The following FAM13C variants were observed in gnomAD, a reference collection of about 807,000 sequenced individuals.
FAM13C encodes the protein protein FAM13C.
FAM13C carries 37 observed loss-of-function variants against 73.2 expected under a neutral mutation model. That is an observed-to-expected ratio of 0.51 (90% CI 0.39 to 0.67). The LOEUF is 0.67. Among genes scored for constraint, FAM13C ranks in the 30% least tolerant of loss-of-function variants. The pLI is 0.00. For synonymous variants in FAM13C, 246 were observed against 260.9 expected (o/e 0.94, Z 0.55); for missense variants, 589 against 715.6 (o/e 0.82, Z 2.02).
intron 3 of FAM13C, among the ~76,000 whole-genome samples, chr10:59,326,459 G>C (rs927309524): frequency 2.0e-5 from 3 of 152,140 alleles, no homozygotes; most frequent in Admixed American, 1.3e-4. Context: ...AGGTATGTGT[G>C]ATTGTCATGA....
chr10:59,345,675 A>G (rs191743572), intron 3 of FAM13C, among the ~76,000 whole-genome samples: 28 of 152,158 alleles, frequency 1.8e-4, no homozygotes, highest in African/African-American at 6.7e-4. Context: ...AGCTAATCTC[A>G]CTTTCAAGGA....
At chr10:59,289,187 G>T (rs1458991806) in intron 5 of FAM13C, among the ~76,000 whole-genome samples, 1 of 152,202 alleles carries the variant, frequency 6.6e-6, no homozygotes, top group Non-Finnish European at 1.5e-5. Flanking sequence ...TAGGGTGCAT[G>T]CTCCTGAGAA....
At chr10:59,292,909 A>G (rs1171037171) in intron 5 of FAM13C, among the ~76,000 whole-genome samples, 1 of 152,070 alleles carries the variant, frequency 6.6e-6, no homozygotes, top group African/African-American at 2.4e-5. Flanking sequence ...CGAGAGTCAC[A>G]CTACAGTGCT....
chr10:59,264,808 C>T (rs1275985637), intron 8 of FAM13C, among the ~76,000 whole-genome samples: 1 of 152,084 alleles, frequency 6.6e-6, no homozygotes, highest in African/African-American at 2.4e-5. Context: ...TGTCCCTCTA[C>T]CCCCACAGAT....
intron 5 of FAM13C, among the ~76,000 whole-genome samples, chr10:59,299,666 A>G (rs932426659): frequency 1.3e-5 from 2 of 152,122 alleles, no homozygotes; most frequent in African/African-American, 4.8e-5. Context: ...TACCTTTCTG[A>G]TCTATTGAAT....
intron 3 of FAM13C, among the ~76,000 whole-genome samples, chr10:59,339,304 C>T (rs549740764): frequency 6.6e-6 from 1 of 152,300 alleles, no homozygotes; most frequent in South Asian, 2.1e-4. Flanking sequence ...GGGGACACTA[C>T]TCAACCTACT....
At chr10:59,313,490 A>T (rs1849175659) in intron 4 of FAM13C, among the ~76,000 whole-genome samples, 1 of 152,128 alleles carries the variant, frequency 6.6e-6, no homozygotes, top group African/African-American at 2.4e-5. Context: ...ATTCATGGCC[A>T]ACTAGGGCCA....
intron 4 of FAM13C, among the ~76,000 whole-genome samples, chr10:59,313,950 A>G (rs1720389148): frequency 6.6e-6 from 1 of 152,218 alleles, no homozygotes; most frequent in African/African-American, 2.4e-5. Context: ...CACTGTGCTG[A>G]AAACTGCACA....
At chr10:59,360,932 TGAC>T (rs1247136901) in intron 1 of FAM13C, 21 of 885,566 alleles carry the variant, frequency 2.4e-5, no homozygotes, top group Non-Finnish European at 3.4e-5. Context: ...GCCGTGCCTG[TGAC>T]TGACCGAGGA....
intron 1 of FAM13C, among the ~76,000 whole-genome samples, chr10:59,359,966 T>A (rs865975882): frequency 6.6e-6 from 1 of 152,108 alleles, no homozygotes; most frequent in African/African-American, 2.4e-5. Context: ...GATGAAAAGG[T>A]GCCACAGATA....
intron 3 of FAM13C, among the ~76,000 whole-genome samples, chr10:59,337,609 G>A (rs922982647): frequency 1.8e-4 from 27 of 149,092 alleles, no homozygotes; most frequent in Non-Finnish European, 3.7e-4. Flanking sequence ...TGTGGCCACA[G>A]AACAATCAGT....
At chr10:59,316,271 G>C (rs1411563460) in intron 4 of FAM13C, among the ~76,000 whole-genome samples, 1 of 152,036 alleles carries the variant, frequency 6.6e-6, no homozygotes, top group African/African-American at 2.4e-5. Context: ...TTTCATTACA[G>C]TTAGCTACTC....
At chr10:59,294,798 C>T (rs1215093338) in intron 5 of FAM13C, among the ~76,000 whole-genome samples, 3 of 152,192 alleles carry the variant, frequency 2.0e-5, no homozygotes, top group African/African-American at 7.2e-5. Context: ...GATACTGCTC[C>T]AGCTGAGGAA....
chr10:59,333,122 T>C (rs1034311476), intron 3 of FAM13C, among the ~76,000 whole-genome samples: 7 of 152,148 alleles, frequency 4.6e-5, no homozygotes, highest in Non-Finnish European at 1.0e-4. Flanking sequence ...ACTACAGGCA[T>C]ACGTTACCAT....
intron 4 of FAM13C, among the ~76,000 whole-genome samples, chr10:59,311,645 A>C (rs1848932553): frequency 1.3e-5 from 2 of 152,100 alleles, no homozygotes; most frequent in African/African-American, 4.8e-5. Context: ...TCTGCCTCAA[A>C]GTTTTTTGCC....
chr10:59,347,518 AT>A (rs35964507), intron 3 of FAM13C, among the ~76,000 whole-genome samples: 7,056 of 150,204 alleles, frequency 0.047, 192 homozygotes, highest in African/African-American at 0.064. Flanking sequence ...CCCCACACCT[AT>A]TTTTTTTTTT....
At chr10:59,280,911 G>A (rs1413575671) in intron 6 of FAM13C, among the ~76,000 whole-genome samples, 1 of 152,136 alleles carries the variant, frequency 6.6e-6, no homozygotes, top group African/African-American at 2.4e-5. Flanking sequence ...TGCTATTTAT[G>A]GTTAAGTGAC....
chr10:59,339,135 TCTG>T (rs1209377692), intron 3 of FAM13C, among the ~76,000 whole-genome samples: 1 of 152,134 alleles, frequency 6.6e-6, no homozygotes. Flanking sequence ...TCTCTCTGTG[TCTG>T]CTCCTCTACT....
At chr10:59,335,472 T>C (rs1306847189) in intron 3 of FAM13C, among the ~76,000 whole-genome samples, 1 of 152,188 alleles carries the variant, frequency 6.6e-6, no homozygotes, top group Non-Finnish European at 1.5e-5. Context: ...ATTTGCAGCT[T>C]GGCCAATAGA....
Sources: allele counts gnomAD v4.1 joint callset (sites outside exome capture counted in the v4.1 genomes callset), GRCh38; gene constraint gnomAD v4.1.1; transcripts MANE v1.5; gene names NCBI Gene and HGNC (gene_info 2026-07-23, HGNC 2026-07-21).